Variants in NR2F1-AS1 observed in about 807,000 individuals in gnomAD.
NR2F1-AS1 encodes the protein NR2F1 antisense RNA 1.
intron 4 of NR2F1-AS1, among the ~76,000 whole-genome samples, chr5:93,491,782 T>G (rs957272951): frequency 6.6e-6 from 1 of 152,182 alleles, no homozygotes; most frequent in Non-Finnish European, 1.5e-5. Flanking sequence ...CTTATACTGG[T>G]AGCCTCCCCA....
At chr5:93,581,607 C>T (rs555015235), upstream of NR2F1-AS1, among the ~76,000 whole-genome samples, 2 of 151,294 alleles carry the variant, frequency 1.3e-5, no homozygotes, top group South Asian at 4.2e-4. Context: ...GGGACCCGCT[C>T]CTCCCGCCTG....
intron 4 of NR2F1-AS1, among the ~76,000 whole-genome samples, chr5:93,462,913 A>T (rs954902034): frequency 1.3e-5 from 2 of 152,224 alleles, no homozygotes; most frequent in Non-Finnish European, 2.9e-5. Context: ...CAGTTTTAAA[A>T]GGGAAACAGA....
chr5:93,424,204 T>C (rs373535321), intron 4 of NR2F1-AS1, among the ~76,000 whole-genome samples: 16 of 152,200 alleles, frequency 1.1e-4, no homozygotes, highest in African/African-American at 3.9e-4. Flanking sequence ...AACTACACAC[T>C]GATGACTTCA....
At chr5:93,416,980 C>T (rs1019175870) in intron 4 of NR2F1-AS1, among the ~76,000 whole-genome samples, 1 of 152,170 alleles carries the variant, frequency 6.6e-6, no homozygotes, top group Non-Finnish European at 1.5e-5. Flanking sequence ...CTCACAACAA[C>T]CTCATAAAGT....
At chr5:93,446,738 T>C (rs948955075) in intron 4 of NR2F1-AS1, among the ~76,000 whole-genome samples, 2 of 152,188 alleles carry the variant, frequency 1.3e-5, no homozygotes, top group African/African-American at 4.8e-5. Flanking sequence ...AGAGCCCACA[T>C]TGCCAAGACA....
intron 4 of NR2F1-AS1, among the ~76,000 whole-genome samples, chr5:93,475,653 T>C (rs1750468155): frequency 6.6e-6 from 1 of 152,224 alleles, no homozygotes; most frequent in African/African-American, 2.4e-5. Flanking sequence ...TTAATTTTTG[T>C]CATAATCATT....
At chr5:93,568,186 TA>T (rs1192742655) in intron 1 of NR2F1-AS1, among the ~76,000 whole-genome samples, 2 of 152,244 alleles carry the variant, frequency 1.3e-5, no homozygotes, top group Non-Finnish European at 2.9e-5. Context: ...AGATTATAAA[TA>T]AATGACTTAT....
At chr5:93,548,884 T>C (rs1278061474) in intron 4 of NR2F1-AS1, among the ~76,000 whole-genome samples, 2 of 151,950 alleles carry the variant, frequency 1.3e-5, no homozygotes, top group Non-Finnish European at 2.9e-5. Flanking sequence ...GAAAAATAAA[T>C]ACATAAAAAA....
chr5:93,546,157 AAGGTATC>A (rs1369879811), intron 4 of NR2F1-AS1, among the ~76,000 whole-genome samples: 1 of 152,206 alleles, frequency 6.6e-6, no homozygotes, highest in East Asian at 1.9e-4. Flanking sequence ...GAAGGTTTGT[AAGGTATC>A]TAGCATATAA....
At chr5:93,500,428 CT>C (rs1751054722) in intron 4 of NR2F1-AS1, among the ~76,000 whole-genome samples, 1 of 151,726 alleles carries the variant, frequency 6.6e-6, no homozygotes, top group African/African-American at 2.4e-5. Flanking sequence ...GCATGTTTTA[CT>C]GAATATTTTA....
rs1410485496 is a variant in NR2F1-AS1, at chr5:93,529,621, C to T, written n.638+24140G>A. Among the ~76,000 whole-genome samples, 3 of 152,110 alleles carry T rather than the reference C, an allele frequency of 2.0e-5. 1 individual carries two copies. In the South Asian group the frequency reaches 6.2e-4, roughly 32 times the overall value. ...TCATTTTTAATAAAATAAATTAATTCATATAAAGGAAATATTGTGGATCCA... is the reference window on the plus strand; with the variant it reads ...TCATTTTTAATAAAATAAATTAATTTATATAAAGGAAATATTGTGGATCCA... On this transcript the variant is annotated intron_variant and non_coding_transcript_variant, in intron 4 of 5. Coordinates refer to ENST00000660523, the Ensembl canonical transcript of NR2F1-AS1.
intron 4 of NR2F1-AS1, among the ~76,000 whole-genome samples, chr5:93,507,388 G>A (rs1490680733): frequency 4.6e-5 from 7 of 151,700 alleles, no homozygotes; most frequent in South Asian, 2.1e-4. Context: ...ACGAAGTCTC[G>A]CTCTTGTTGC....
At chr5:93,445,673 A>C (rs1047165560) in intron 4 of NR2F1-AS1, among the ~76,000 whole-genome samples, 6 of 152,182 alleles carry the variant, frequency 3.9e-5, no homozygotes, top group Non-Finnish European at 7.4e-5. Flanking sequence ...CAATATAAAA[A>C]GAGGGAATCC....
At chr5:93,535,093 G>T (rs114155648) in intron 4 of NR2F1-AS1, among the ~76,000 whole-genome samples, 4,301 of 151,872 alleles carry the variant, frequency 0.028, 81 homozygotes, top group Non-Finnish European at 0.039. Context: ...GTTAACTCAT[G>T]AGTTACTAGA....
At chr5:93,582,120 T>TCC (rs564135454), upstream of NR2F1-AS1, among the ~76,000 whole-genome samples, 13 of 106,264 alleles carry the variant, frequency 1.2e-4, no homozygotes, top group African/African-American at 4.6e-4. Context: ...CCTCTCCGCC[T>TCC]CCCCCCCTCT....
At chr5:93,463,299 T>C (rs978272303) in intron 4 of NR2F1-AS1, among the ~76,000 whole-genome samples, 4 of 152,156 alleles carry the variant, frequency 2.6e-5, no homozygotes, top group Admixed American at 6.5e-5. Flanking sequence ...TTCCACATGA[T>C]GTTGAACCTG....
chr5:93,430,400 G>A (rs911988529), intron 4 of NR2F1-AS1, among the ~76,000 whole-genome samples: 1 of 152,170 alleles, frequency 6.6e-6, no homozygotes, highest in African/African-American at 2.4e-5. Flanking sequence ...GCTTTGCAAC[G>A]CTGCCTGACG....
chr5:93,497,231 G>A (rs2149883628), intron 4 of NR2F1-AS1, among the ~76,000 whole-genome samples: 1 of 152,192 alleles, frequency 6.6e-6, no homozygotes, highest in East Asian at 1.9e-4. Context: ...CAATGTGAAG[G>A]ACGTGCATGA....
At chr5:93,453,845 C>T (rs765111517) in intron 4 of NR2F1-AS1, among the ~76,000 whole-genome samples, 1 of 151,998 alleles carries the variant, frequency 6.6e-6, no homozygotes, top group African/African-American at 2.4e-5. Context: ...ACTGGCACTA[C>T]AAGAAATGTT....
Sources: allele counts gnomAD v4.1 joint callset (sites outside exome capture counted in the v4.1 genomes callset), GRCh38; gene constraint gnomAD v4.1.1; transcripts MANE v1.5; gene names NCBI Gene and HGNC (gene_info 2026-07-23, HGNC 2026-07-21).